The following OCA2 variants were observed in gnomAD, a reference collection of about 807,000 sequenced individuals.
The protein encoded by OCA2 is P protein.
A neutral mutation model predicts 100.2 loss-of-function variants in OCA2; 77 were observed. That is an observed-to-expected ratio of 0.77 (90% CI 0.64 to 0.93). The LOEUF (loss-of-function observed/expected upper bound fraction) is 0.93, where lower values mean the gene tolerates loss of function less well. Ranked by LOEUF, OCA2 falls within the 40% of genes least tolerant of loss-of-function variation. OCA2 has a pLI of 0.00. For missense variants in OCA2, 1,062 were observed against 1,089.1 expected (o/e 0.98, Z 0.35); for synonymous variants, 432 against 439.2 (o/e 0.98, Z 0.21).
chr15:27,916,172 C>A (rs1285528068), intron 19 of OCA2, among the ~76,000 whole-genome samples: 1 of 151,992 alleles, frequency 6.6e-6, no homozygotes, highest in African/African-American at 2.4e-5. Flanking sequence ...AGAAGGGAAC[C>A]ATAGACACTG....
At chr15:27,783,630 T>G (rs1284803217) in intron 23 of OCA2, among the ~76,000 whole-genome samples, 1 of 152,154 alleles carries the variant, frequency 6.6e-6, no homozygotes, top group South Asian at 2.1e-4. Context: ...GGCCAGAAGC[T>G]TCTCACGAAT....
intron 23 of OCA2, among the ~76,000 whole-genome samples, chr15:27,792,110 A>C (rs2033111255): frequency 6.6e-6 from 1 of 152,170 alleles, no homozygotes; most frequent in African/African-American, 2.4e-5. Context: ...TTCTGTATGG[A>C]GTCACAGAGC....
At chr15:27,936,835 T>G (rs2703952) in intron 18 of OCA2, among the ~76,000 whole-genome samples, 31,866 of 152,126 alleles carry the variant, frequency 0.21, 3,869 homozygotes, top group South Asian at 0.37. Context: ...ACCTGGAAGC[T>G]TCTGCGTGGT....
At chr15:28,055,732 C>T (rs112725723) in intron 2 of OCA2, among the ~76,000 whole-genome samples, 9,010 of 152,298 alleles carry the variant, frequency 0.059, 864 homozygotes, top group African/African-American at 0.21. Context: ...GCTCCCTCAC[C>T]TGCAGCCTCC....
chr15:27,885,996 C>G (rs2037207197), intron 19 of OCA2, among the ~76,000 whole-genome samples: 1 of 152,192 alleles, frequency 6.6e-6, no homozygotes, highest in Admixed American at 6.5e-5. Flanking sequence ...GATGGAAGAA[C>G]TCCTTCCGCA....
intron 23 of OCA2, among the ~76,000 whole-genome samples, chr15:27,759,777 T>TTC (rs200620666): frequency 6.6e-6 from 1 of 152,126 alleles, no homozygotes; most frequent in Non-Finnish European, 1.5e-5. Context: ...GAGACTTTTA[T>TTC]TCTCTCTCTC....
chr15:27,789,094 G>A (rs2032957561), intron 23 of OCA2, among the ~76,000 whole-genome samples: 1 of 151,450 alleles, frequency 6.6e-6, no homozygotes. Flanking sequence ...TGTGATTTTA[G>A]TTTCAATTAG....
At chr15:27,959,094 G>C (rs2040326773) in intron 15 of OCA2, among the ~76,000 whole-genome samples, 1 of 152,222 alleles carries the variant, frequency 6.6e-6, no homozygotes, top group South Asian at 2.1e-4. Flanking sequence ...TCATGACTCA[G>C]AGAGAATGCG....
chr15:27,947,104 A>G lies in OCA2; in HGVS notation c.1951+4680T>C, dbSNP rs923189446. Among the ~76,000 whole-genome samples, 11 of 152,238 alleles carry G rather than the reference A, an allele frequency of 7.2e-5. 1 individual carries two copies. Among genetic ancestry groups the G allele is most frequent in the African/African-American group, 2.7e-4 (11 of 41,468 alleles). On this transcript the variant is annotated intron_variant, in intron 18 of 23. Transcript: ENST00000354638. ...CACTTGGCTGAACCTAAGCTTTAAC[A>G]TGAACAATTTCTCCTGTATCTTTGG...
intron 1 of OCA2, among the ~76,000 whole-genome samples, chr15:28,088,121 T>C (rs1401980363): frequency 6.6e-6 from 1 of 152,214 alleles, no homozygotes; most frequent in East Asian, 1.9e-4. Flanking sequence ...TCATGTGCTG[T>C]TTTCATTCAG....
intron 2 of OCA2, among the ~76,000 whole-genome samples, chr15:28,072,305 G>C (rs967512542): frequency 7.0e-6 from 1 of 142,124 alleles, no homozygotes; most frequent in Non-Finnish European, 1.5e-5. Context: ...ATATAGTGGA[G>C]CAGGCCGGGT....
intron 23 of OCA2, among the ~76,000 whole-genome samples, chr15:27,768,387 C>T (rs2031447450): frequency 6.6e-6 from 1 of 152,296 alleles, no homozygotes; most frequent in East Asian, 1.9e-4. Flanking sequence ...CCTCTCCTGC[C>T]CCCACACCCA....
Position 28,061,111 on chromosome 15 carries a change from AG to A in OCA2, c.227+20536del, listed in dbSNP as rs1168072802. ...AACACATTCCTAGGCATTCAAGCAC[AG>A]GGCTGTACGTGTGCCCAAGAGGGAC... On this transcript the variant is annotated intron_variant, in intron 2 of 23. Transcript: ENST00000354638. Among the ~76,000 whole-genome samples the A allele has an allele frequency of 5.3e-5, 8 of 152,354 alleles. No homozygotes were observed. The East Asian group carries it at 1.5e-3, about 29-fold the overall frequency.
At chr15:27,737,512 T>G in the OCA2 span, among the ~76,000 whole-genome samples, 1 of 152,290 alleles carries the variant, frequency 6.6e-6, no homozygotes, top group East Asian at 1.9e-4. Flanking sequence ...AGAGATAGTC[T>G]TTTAAATGAA....
intron 14 of OCA2, among the ~76,000 whole-genome samples, chr15:27,971,472 A>T (rs2040788395): frequency 6.6e-6 from 1 of 152,164 alleles, no homozygotes; most frequent in Admixed American, 6.5e-5. Flanking sequence ...CTGAAGGTGC[A>T]GTGGGTTGGT....
At chr15:27,741,315 G>C in the OCA2 span, among the ~76,000 whole-genome samples, 2,071 of 152,278 alleles carry the variant, frequency 0.014, 39 homozygotes, top group African/African-American at 0.048. Context: ...CATTGCCATT[G>C]GGGGAAGGAC....
At chr15:27,919,591 A>C (rs2038786794) in intron 19 of OCA2, among the ~76,000 whole-genome samples, 1 of 152,212 alleles carries the variant, frequency 6.6e-6, no homozygotes, top group South Asian at 2.1e-4. Flanking sequence ...AGACAGGAAT[A>C]AGATCAGTGA....
At chr15:27,752,810 C>A (rs916416545), downstream of OCA2, among the ~76,000 whole-genome samples, 27 of 129,174 alleles carry the variant, frequency 2.1e-4, 1 homozygote, top group East Asian at 4.4e-3. Context: ...ACCCCCCCCC[C>A]CCCCCCAGAG....
chr15:27,806,610 TGTGC>T (rs2033862717), intron 23 of OCA2, among the ~76,000 whole-genome samples: 3 of 152,248 alleles, frequency 2.0e-5, no homozygotes, highest in African/African-American at 7.2e-5. Flanking sequence ...CGCCGTCCGC[TGTGC>T]GCTCTCCTGC....
Sources: gnomAD v4.1 joint callset for allele counts (sites outside exome capture counted in the v4.1 genomes callset) on GRCh38, gnomAD v4.1.1 for gene constraint, MANE v1.5 for transcripts, NCBI Gene and HGNC (gene_info 2026-07-23, HGNC 2026-07-21) for gene names.